KDM4B: variants seen among roughly 807,000 people sequenced by gnomAD.
KDM4B encodes lysine-specific demethylase 4B.
In KDM4B, 32 loss-of-function variants were observed where a neutral mutation model predicts 125.2. The observed-to-expected ratio is 0.26, with a 90% CI of 0.19 to 0.34. The LOEUF (loss-of-function observed/expected upper bound fraction) is 0.34. Ranked by LOEUF, KDM4B falls within the 10% of genes least tolerant of loss-of-function variation. The pLI is 1.00. For missense variants in KDM4B, 1,190 were observed against 1,577.7 expected (o/e 0.75, Z 4.16); for synonymous variants, 721 against 677.9 (o/e 1.06, Z -0.99).
At chr19:5,033,078 G>C in intron 3 of KDM4B, 47 bp downstream of exon 3, 1 of 1,591,748 alleles carries the variant, frequency 6.3e-7, no homozygotes, top group Admixed American at 1.7e-5. Context: ...AGCCTGCGCC[G>C]CGGGCCTGCG....
At chr19:5,108,659 C>T (rs2039081912) in intron 9 of KDM4B, among the ~76,000 whole-genome samples, 3 of 152,372 alleles carry the variant, frequency 2.0e-5, no homozygotes, top group Middle Eastern at 3.4e-3. Context: ...CTTCCCATTT[C>T]CTTCATCCCA....
At chr19:4,994,565 CAAAAAAAAAA>C (rs397820720) in intron 1 of KDM4B, among the ~76,000 whole-genome samples, 2 of 45,690 alleles carry the variant, frequency 4.4e-5, no homozygotes, top group African/African-American at 8.4e-5. Context: ...CTCTGTCTCT[CAAAAAAAAAA>C]AAAAAAAAAA....
intron 22 of KDM4B, among the ~76,000 whole-genome samples, chr19:5,150,922 C>T (rs1438454356): frequency 6.6e-6 from 1 of 152,218 alleles, no homozygotes; most frequent in Non-Finnish European, 1.5e-5. Flanking sequence ...GCGGAGGCAG[C>T]TCCAGCTTTC....
chr19:5,124,480 C>G (rs2039416487), intron 11 of KDM4B, among the ~76,000 whole-genome samples: 1 of 152,208 alleles, frequency 6.6e-6, no homozygotes, highest in Admixed American at 6.5e-5. Flanking sequence ...CCATGGGTGT[C>G]TTCCTCCCTC....
chr19:5,015,181 C>T (rs538948726), intron 1 of KDM4B, among the ~76,000 whole-genome samples: 4 of 151,944 alleles, frequency 2.6e-5, no homozygotes, highest in South Asian at 2.1e-4. Flanking sequence ...GACGAGGGCT[C>T]GCAGGCCTGG....
At chr19:5,041,284 C>T (rs1294055124) in intron 5 of KDM4B, 33 bp downstream of exon 5, 40 of 1,542,062 alleles carry the variant, frequency 2.6e-5, no homozygotes, top group Non-Finnish European at 3.6e-5. Flanking sequence ...GAACAGGGAC[C>T]AGCTTCCTGG....
intron 1 of KDM4B, among the ~76,000 whole-genome samples, chr19:4,970,863 C>G (rs918271327): frequency 1.5e-4 from 23 of 152,198 alleles, no homozygotes; most frequent in African/African-American, 5.3e-4. Context: ...ACTTGCCAGC[C>G]TCGTCTCCGT....
At chr19:5,069,321 AT>A (rs1267188049) in intron 6 of KDM4B, among the ~76,000 whole-genome samples, 3 of 150,980 alleles carry the variant, frequency 2.0e-5, no homozygotes, top group Non-Finnish European at 4.4e-5. Flanking sequence ...ATTTTTTTTA[AT>A]TTTTTGAGAC....
intron 9 of KDM4B, among the ~76,000 whole-genome samples, chr19:5,097,393 G>A (rs1568296489): frequency 6.6e-6 from 1 of 152,174 alleles, no homozygotes; most frequent in Non-Finnish European, 1.5e-5. Context: ...TGGGACTACA[G>A]GTATTGCACC....
intron 6 of KDM4B, chr19:5,070,807 C>T: frequency 3.8e-6 from 2 of 532,578 alleles, no homozygotes; most frequent in Non-Finnish European, 6.7e-6. Context: ...CCCGCTCCTC[C>T]ACCTGCCCCA....
chr19:5,118,424 C>T (rs1213924487), intron 10 of KDM4B, among the ~76,000 whole-genome samples: 1 of 152,172 alleles, frequency 6.6e-6, no homozygotes, highest in Non-Finnish European at 1.5e-5. Flanking sequence ...TGTGCGGCCT[C>T]GAGCTCATGG....
chr19:5,137,696 G>A lies in KDM4B; in HGVS notation c.2441+20G>A. ...TAGGAGGTGGGTGGCACCGCGCGTT[G>A]GGGCTGGAGGGCCGGAGGGGAGCCT... On this transcript the variant is annotated intron_variant, in intron 17 of 22. Transcript: ENST00000159111. 1 of 1,564,546 alleles carries A rather than the reference G, an allele frequency of 6.4e-7. No homozygotes were observed. Among genetic ancestry groups the A allele is most frequent in the South Asian group, 1.2e-5 (1 of 86,140 alleles).
At chr19:4,978,382 C>T (rs1441813181) in intron 1 of KDM4B, among the ~76,000 whole-genome samples, 2 of 151,688 alleles carry the variant, frequency 1.3e-5, no homozygotes, top group East Asian at 1.9e-4. Context: ...TGGCACGTGC[C>T]TGTAATCCCA....
chr19:5,078,978 G>A lies in KDM4B; in HGVS notation c.780+1508G>A, dbSNP rs1216405565. ...CTGGGGACCGTCCTTCAGCCTCTCA[G>A]ACGCCATGGGCTTGAGATGAACGTC... On this transcript the variant is annotated intron_variant, in intron 8 of 22. Transcript: ENST00000159111. The surrounding 1 kb of genome is among the most constrained non-coding windows in gnomAD (Gnocchi z 4.5). 6.6e-6 allele frequency: 1 copy of A among 152,240 alleles called. No individual in the cohort carries two copies. Among genetic ancestry groups the A allele is most frequent in the Non-Finnish European group, 1.5e-5 (1 of 68,060 alleles). The allele number at this position is 152,240 out of a possible 1,614,324, so 9.4% of individuals were successfully genotyped here.
chr19:5,058,461 G>A (rs1004942353), intron 6 of KDM4B, among the ~76,000 whole-genome samples: 1 of 152,236 alleles, frequency 6.6e-6, no homozygotes, highest in Non-Finnish European at 1.5e-5. Flanking sequence ...CAGCTCAGGA[G>A]CAGGGGCGGG....
chr19:5,121,081 C>T lies in KDM4B; in HGVS notation c.1315+1229C>T, dbSNP rs1297758725. ...GTCCCTCCCACCTGCCAGGGGCAGC[C>T]GTGGGGTGCCTGATCTGTGACGATG... On this transcript the variant is annotated intron_variant, in intron 11 of 22. Coordinates refer to ENST00000159111, the MANE Select transcript of KDM4B (RefSeq NM_015015.3). 3.9e-5 allele frequency among the ~76,000 whole-genome samples: 6 copies of T among 152,192 alleles called. No homozygotes were observed. In the East Asian group the frequency reaches 9.6e-4, roughly 24 times the overall value.
At chr19:4,999,504 G>A (rs1347948495) in intron 1 of KDM4B, among the ~76,000 whole-genome samples, 3 of 152,128 alleles carry the variant, frequency 2.0e-5, no homozygotes, top group African/African-American at 4.8e-5. Flanking sequence ...CAGGTGCTCC[G>A]TGTGCTCAGT....
chr19:5,104,911 G>T (rs1230710290), intron 9 of KDM4B, among the ~76,000 whole-genome samples: 1 of 152,156 alleles, frequency 6.6e-6, no homozygotes, highest in Non-Finnish European at 1.5e-5. Flanking sequence ...GAGTGTCTGG[G>T]CTCATTAAGA....
intron 1 of KDM4B, among the ~76,000 whole-genome samples, chr19:5,001,990 T>G (rs1033731132): frequency 1.5e-5 from 2 of 134,400 alleles, no homozygotes; most frequent in Non-Finnish European, 3.2e-5. Flanking sequence ...TTCCTTTGTG[T>G]TTTTTTTTTC....
Sources: allele counts gnomAD v4.1 joint callset (sites outside exome capture counted in the v4.1 genomes callset), GRCh38; gene constraint gnomAD v4.1.1; non-coding constraint Gnocchi (gnomAD v3.1); transcripts MANE v1.5; gene names NCBI Gene and HGNC (gene_info 2026-07-23, HGNC 2026-07-21).